Variants in PNPT1 observed in about 807,000 individuals in gnomAD.
The protein encoded by PNPT1 is polyribonucleotide nucleotidyltransferase 1, mitochondrial.
In PNPT1, 53 loss-of-function variants were observed where a neutral mutation model predicts 119.5. The ratio of observed to expected loss-of-function variants is 0.44; its 90% confidence interval spans 0.36 to 0.56. The LOEUF (loss-of-function observed/expected upper bound fraction) is 0.56, where lower values mean the gene tolerates loss of function less well. Ranked by LOEUF, PNPT1 falls within the 20% of genes least tolerant of loss-of-function variation. The probability of loss-of-function intolerance (pLI) is 0.00; values close to 1 mark genes in which losing one functional copy is unlikely to be tolerated. For missense variants in PNPT1, 948 were observed against 938.5 expected (o/e 1.01, Z -0.13); for synonymous variants, 357 against 322.1 (o/e 1.11, Z -1.16).
chr2:55,683,640 T>G (rs1697313396), intron 5 of PNPT1, 145 bp downstream of exon 5: 1 of 763,086 alleles, frequency 1.3e-6, no homozygotes, highest in African/African-American at 1.8e-5. Context: ...AAGTACTATC[T>G]TTTTTCAAAA....
intron 18 of PNPT1, 42 bp from the exon 19 acceptor site, chr2:55,647,495 G>T (rs1323643960): frequency 1.4e-6 from 2 of 1,434,726 alleles, no homozygotes; most frequent in Non-Finnish European, 1.9e-6. Context: ...ATGTGTACAT[G>T]AGCCTAAAAC....
chr2:55,676,262 C>CAAAAAAAAAAAA (rs11400030), intron 8 of PNPT1, among the ~76,000 whole-genome samples: 5 of 82,844 alleles, frequency 6.0e-5, no homozygotes, highest in Non-Finnish European at 6.4e-5. Context: ...CCATCTCAAC[C>CAAAAAAAAAAAA]AAAAAAAAAA....
chr2:55,686,505 G>A (rs1441374546), intron 2 of PNPT1, 61 bp from the exon 3 acceptor site: 10 of 1,259,782 alleles, frequency 7.9e-6, no homozygotes, highest in East Asian at 7.1e-5. Flanking sequence ...CATCTAAGTA[G>A]CAACTGAATA....
chr2:55,648,326 T>C (rs1010259356), intron 18 of PNPT1, among the ~76,000 whole-genome samples: 6 of 152,244 alleles, frequency 3.9e-5, no homozygotes, highest in Non-Finnish European at 5.9e-5. Flanking sequence ...TTGAATAGTT[T>C]TAGTACTCCC....
intron 13 of PNPT1, among the ~76,000 whole-genome samples, chr2:55,663,656 C>T (rs1696648448): frequency 6.6e-6 from 1 of 152,002 alleles, no homozygotes; most frequent in Admixed American, 6.6e-5. Flanking sequence ...TGAATGGGTC[C>T]TTTTCATCAG....
At chr2:55,690,762 G>C (rs1382653933) in intron 1 of PNPT1, among the ~76,000 whole-genome samples, 1 of 152,134 alleles carries the variant, frequency 6.6e-6, no homozygotes. Context: ...CAACACAGAT[G>C]TTATAATGAT....
chr2:55,676,214 G>A (rs1346343786), intron 8 of PNPT1, among the ~76,000 whole-genome samples: 1 of 141,612 alleles, frequency 7.1e-6, no homozygotes, highest in Non-Finnish European at 1.5e-5. Flanking sequence ...AGCCGAGATT[G>A]CGCCACTGCA....
Position 55,693,671 on chromosome 2 carries a change from T to A in PNPT1, c.153A>T (p.Leu51Phe). ...CGCACGTCACTCCTTACCTGTTGCC[T>A]AAGTCCACGGCCACAGCTCGAGACC... Reference protein sequence around the residue: ...SAGSRAVAVDLGNRKLEISSG... With the variant: ...SAGSRAVAVDFGNRKLEISSG... Residue 51 changes from leucine to phenylalanine, a missense_variant, in exon 1 of 28, where the codon TTA becomes TTT. Transcript: ENST00000447944. The A allele has an allele frequency of 1.2e-6, 2 of 1,614,210 alleles. No homozygotes were observed. Among genetic ancestry groups the A allele is most frequent in the East Asian group, 2.2e-5 (1 of 44,880 alleles).
rs762292482 is a variant in PNPT1 at position 55,644,662 on chromosome 2, G to A, written c.1881C>T (p.Asn627=). The change falls in exon 23 of 28, where the codon AAC becomes AAT. Residue 627 remains asparagine (N), a synonymous_variant. Transcript: ENST00000447944. ...CTGTTTCAGCCTGAAGTTTTTTTAAGTTATAGCCACCAGGTCCAACAAATT... is the reference window on the plus strand; with the variant it reads ...CTGTTTCAGCCTGAAGTTTTTTTAAATTATAGCCACCAGGTCCAACAAATT... ...RAKFVGPGGY[N]LKKLQAETGV... 1 of 1,611,690 alleles carries A rather than the reference G, an allele frequency of 6.2e-7. No homozygotes were observed. The highest frequency in any genetic ancestry group is 1.1e-5 in the South Asian group (1 of 90,958).
intron 10 of PNPT1, 36 bp downstream of exon 10, chr2:55,671,959 G>C (rs1338875373): frequency 6.7e-7 from 1 of 1,486,164 alleles, no homozygotes; most frequent in Non-Finnish European, 9.2e-7. Flanking sequence ...TGTATTCCTA[G>C]GGCAATTATG....
chr2:55,671,480 C>T (rs780320002), intron 10 of PNPT1, 104 bp from the exon 11 acceptor site: 27 of 587,846 alleles, frequency 4.6e-5, no homozygotes, highest in Non-Finnish European at 7.5e-5. Context: ...ACTCTGATTT[C>T]TTTAATATTC....
rs1027066286 is a variant in PNPT1, at chr2:55,667,721, G to C, written c.1073+141C>G. 4.6e-6 allele frequency: 5 copies of C among 1,090,618 alleles called. No individual in the cohort carries two copies. In the African/African-American group the frequency reaches 4.9e-5, roughly 11 times the overall value. The allele number at this position is 1,090,618 out of a possible 1,614,324, so 67.6% of individuals were successfully genotyped here. A position where few individuals can be genotyped will look rare whatever the true frequency, so the allele number is the denominator to read the frequency against. ...ATATCATGTACTTTTTCTTCAATAGGTGTCCATTTATATAGCAAATATTAT... is the reference window on the plus strand; with the variant it reads ...ATATCATGTACTTTTTCTTCAATAGCTGTCCATTTATATAGCAAATATTAT... On this transcript the variant is annotated intron_variant, in intron 12 of 27. Coordinates refer to ENST00000447944, the MANE Select transcript of PNPT1 (RefSeq NM_033109.5).
chr2:55,684,574 A>G (rs998053710), intron 4 of PNPT1, among the ~76,000 whole-genome samples: 3 of 152,268 alleles, frequency 2.0e-5, no homozygotes, highest in African/African-American at 4.8e-5. Flanking sequence ...GCTGATGAAC[A>G]TAATGTTTAG....
At chr2:55,655,336 A>T (rs7571474) in intron 17 of PNPT1, among the ~76,000 whole-genome samples, 77,256 of 152,204 alleles carry the variant, frequency 0.51, 20,934 homozygotes, top group East Asian at 0.84. Context: ...AGTTTCACCA[A>T]GTTAGACCCT....
intron 19 of PNPT1, 112 bp downstream of exon 19, chr2:55,647,235 G>A (rs567692379): frequency 7.7e-6 from 6 of 777,934 alleles, no homozygotes; most frequent in African/African-American, 3.5e-5. Context: ...CTAAGCATAC[G>A]CTAGGTGCAA....
intron 8 of PNPT1, among the ~76,000 whole-genome samples, chr2:55,677,035 C>A (rs185443693): frequency 9.3e-4 from 141 of 152,264 alleles, no homozygotes; most frequent in Middle Eastern, 3.4e-3. Context: ...ATATTTGATG[C>A]ATCTTTATGA....
chr2:55,664,624 C>CA (rs1559099942), intron 13 of PNPT1, among the ~76,000 whole-genome samples: 1 of 151,768 alleles, frequency 6.6e-6, no homozygotes, highest in Admixed American at 6.6e-5. Flanking sequence ...AATAGAGAAA[C>CA]AAAAAACAGA....
In PNPT1 at chr2:55,646,296, T is replaced by C; in HGVS notation, c.1701A>G (p.Pro567=). The change falls in exon 21 of 28, where the codon CCA becomes CCG. Residue 567 remains proline (P), a synonymous_variant. Transcript: ENST00000447944. ...LQADIKLPGI[P]IKIVMEAIQQ... Reference sequence around the variant, plus strand: ...GAATAGCCTCCATCACAATTTTTATTGGTATTCCAGGTAATTTAATATCAG... The same window carrying C: ...GAATAGCCTCCATCACAATTTTTATCGGTATTCCAGGTAATTTAATATCAG... The C allele has an allele frequency of 6.2e-7, 1 of 1,613,322 alleles. No individual in the cohort carries two copies. The highest frequency in any genetic ancestry group is 8.5e-7 in the Non-Finnish European group (1 of 1,179,418).
At chr2:55,654,373 G>A (rs1193258955) in intron 18 of PNPT1, among the ~76,000 whole-genome samples, 2 of 152,134 alleles carry the variant, frequency 1.3e-5, no homozygotes, top group East Asian at 1.9e-4. Flanking sequence ...GTACACGCCT[G>A]AGTGGCATTG....
Sources: gnomAD v4.1 joint callset for allele counts (sites outside exome capture counted in the v4.1 genomes callset) on GRCh38, gnomAD v4.1.1 for gene constraint, MANE v1.5 for transcripts, NCBI Gene and HGNC (gene_info 2026-07-23, HGNC 2026-07-21) for gene names.